Variants in SGCZ observed in about 807,000 individuals in gnomAD.
The protein encoded by SGCZ is sarcoglycan zeta.
Under a neutral mutation model 41.3 loss-of-function variants are expected in SGCZ, and 40 were observed. The observed-to-expected ratio is 0.97, with a 90% CI of 0.75 to 1.26. The LOEUF is 1.26. Ranked by LOEUF, SGCZ falls within the 50% of genes most tolerant of loss-of-function variation. SGCZ has a pLI of 0.00. For missense variants in SGCZ, 552 were observed against 369.8 expected (o/e 1.49, Z -4.04); for synonymous variants, 206 against 137.5 (o/e 1.50, Z -3.49).
chr8:14,395,318 T>G lies in SGCZ; in HGVS notation c.235-71114A>C, dbSNP rs140468640. ...TTGTGGTAATAAAGAAATAAAAGAG[T>G]AGGATTCTGAAACAGAATAGAATTC... On this transcript the variant is annotated intron_variant, in intron 2 of 7. Coordinates refer to ENST00000382080, the MANE Select transcript of SGCZ (RefSeq NM_139167.4). Among the ~76,000 whole-genome samples, 3 of 152,106 alleles carry G rather than the reference T, an allele frequency of 2.0e-5. No homozygotes were observed. The East Asian group carries it at 5.8e-4, about 29-fold the overall frequency.
chr8:14,731,129 C>T (rs9772730), intron 1 of SGCZ, among the ~76,000 whole-genome samples: 55,012 of 151,410 alleles, frequency 0.36, 11,801 homozygotes, highest in African/African-American at 0.57. Context: ...AAACATGGAA[C>T]TAACCCAAAT....
At chr8:14,575,368 G>A (rs1044059333) in intron 1 of SGCZ, among the ~76,000 whole-genome samples, 1 of 152,132 alleles carries the variant, frequency 6.6e-6, no homozygotes, top group Non-Finnish European at 1.5e-5. Context: ...TTAAAAACTG[G>A]TTGTGTCCAT....
chr8:14,999,140 A>G (rs1802319423), intron 1 of SGCZ, among the ~76,000 whole-genome samples: 1 of 152,180 alleles, frequency 6.6e-6, no homozygotes, highest in South Asian at 2.1e-4. Context: ...ACAATGTGTG[A>G]ATGTTTCCAT....
chr8:14,839,938 T>C (rs1275756784), intron 1 of SGCZ, among the ~76,000 whole-genome samples: 2 of 152,152 alleles, frequency 1.3e-5, no homozygotes, highest in East Asian at 3.8e-4. Flanking sequence ...TATTGCAAGA[T>C]GTATATTCTA....
intron 2 of SGCZ, among the ~76,000 whole-genome samples, chr8:14,450,961 C>G (rs1041903532): frequency 6.6e-6 from 1 of 152,282 alleles, no homozygotes; most frequent in Non-Finnish European, 1.5e-5. Context: ...ATATTCATAA[C>G]AGCACATGGC....
chr8:14,438,592 G>A (rs1800157773), intron 2 of SGCZ, among the ~76,000 whole-genome samples: 1 of 151,928 alleles, frequency 6.6e-6, no homozygotes, highest in African/African-American at 2.4e-5. Context: ...AGGGAATTAG[G>A]AAAGAAAAAT....
At chr8:14,383,107 G>A (rs1804431287) in intron 2 of SGCZ, among the ~76,000 whole-genome samples, 1 of 152,086 alleles carries the variant, frequency 6.6e-6, no homozygotes, top group Non-Finnish European at 1.5e-5. Flanking sequence ...GTTGGGTCTG[G>A]CCCAGCCATT....
chr8:15,093,027 T>C (rs1806208306), intron 1 of SGCZ, among the ~76,000 whole-genome samples: 1 of 152,320 alleles, frequency 6.6e-6, no homozygotes. Context: ...TAGGGCGTCA[T>C]TAGAACTTTT....
At chr8:14,412,737 A>C (rs76386531) in intron 2 of SGCZ, among the ~76,000 whole-genome samples, 1 of 152,170 alleles carries the variant, frequency 6.6e-6, no homozygotes, top group South Asian at 2.1e-4. Flanking sequence ...CAATATGCAT[A>C]TTAAAAAGCT....
At chr8:14,179,475 C>T (rs1012745620) in intron 4 of SGCZ, among the ~76,000 whole-genome samples, 1 of 152,164 alleles carries the variant, frequency 6.6e-6, no homozygotes, top group Admixed American at 6.5e-5. Context: ...CTGCACATCC[C>T]CACTGTCTGT....
At chr8:14,309,305 G>A (rs1801448813) in intron 3 of SGCZ, 1 of 1,588,456 alleles carries the variant, frequency 6.3e-7, no homozygotes, top group Non-Finnish European at 8.6e-7. Context: ...ACTTTTTAAG[G>A]ATGGTATTGA....
intron 1 of SGCZ, among the ~76,000 whole-genome samples, chr8:14,976,173 C>T (rs1375413093): frequency 6.6e-6 from 1 of 151,826 alleles, no homozygotes; most frequent in Non-Finnish European, 1.5e-5. Flanking sequence ...AGGCGCTCAC[C>T]ACCACACCCG....
chr8:14,673,006 A>G (rs1808153761), intron 1 of SGCZ, among the ~76,000 whole-genome samples: 1 of 152,168 alleles, frequency 6.6e-6, no homozygotes, highest in Admixed American at 6.5e-5. Context: ...AGTAATTTAT[A>G]AAAACACACA....
At chr8:14,388,082 A>G (rs930026890) in intron 2 of SGCZ, among the ~76,000 whole-genome samples, 2 of 152,132 alleles carry the variant, frequency 1.3e-5, no homozygotes, top group African/African-American at 4.8e-5. Context: ...AAAAGGAACA[A>G]TTTGATGTAA....
At chr8:14,916,950 T>C (rs2130785315) in intron 1 of SGCZ, among the ~76,000 whole-genome samples, 1 of 152,270 alleles carries the variant, frequency 6.6e-6, no homozygotes, top group African/African-American at 2.4e-5. Flanking sequence ...AGAAAAACAG[T>C]CATACTCAAA....
At chr8:14,240,231 G>C (rs966188936) in intron 3 of SGCZ, among the ~76,000 whole-genome samples, 7 of 150,806 alleles carry the variant, frequency 4.6e-5, no homozygotes, top group Admixed American at 3.3e-4. Flanking sequence ...GGGAGGCTGA[G>C]GCAGGAGAAT....
At chr8:14,674,062 T>C (rs1433413677) in intron 1 of SGCZ, among the ~76,000 whole-genome samples, 1 of 152,158 alleles carries the variant, frequency 6.6e-6, no homozygotes, top group Non-Finnish European at 1.5e-5. Context: ...AATAAATTTA[T>C]ATATTTTTAT....
chr8:14,978,039 A>G (rs1378665381), intron 1 of SGCZ, among the ~76,000 whole-genome samples: 4 of 152,086 alleles, frequency 2.6e-5, no homozygotes, highest in African/African-American at 7.2e-5. Context: ...CCTCATATTT[A>G]TAGCTCTGAA....
chr8:14,410,429 C>G (rs1368675693), intron 2 of SGCZ, among the ~76,000 whole-genome samples: 1 of 150,220 alleles, frequency 6.7e-6, no homozygotes, highest in Non-Finnish European at 1.5e-5. Flanking sequence ...GGCTGATTTT[C>G]AATGACCCAA....
Sources: allele counts gnomAD v4.1 joint callset (sites outside exome capture counted in the v4.1 genomes callset), GRCh38; gene constraint gnomAD v4.1.1; transcripts MANE v1.5; gene names NCBI Gene and HGNC (gene_info 2026-07-23, HGNC 2026-07-21).